Variants in KRABD1 observed in about 807,000 individuals in gnomAD.
KRABD1 encodes the protein KRAB domain containing 1.
At chr3:42,942,063 G>T in the KRABD1 span, 1 of 1,534,846 alleles carries the variant, frequency 6.5e-7, no homozygotes, top group East Asian at 2.4e-5. Flanking sequence ...TGGAGAGCAG[G>T]CTGGATAGGT....
At chr3:42,937,668 C>T in the KRABD1 span, 2 of 152,310 alleles carry the variant, frequency 1.3e-5, no homozygotes, top group Admixed American at 6.5e-5. Context: ...TAAAGTACTT[C>T]TCTTTACACT....
At chr3:42,939,859 A>G in the KRABD1 span, among the ~76,000 whole-genome samples, 1 of 152,054 alleles carries the variant, frequency 6.6e-6, no homozygotes, top group South Asian at 2.1e-4. Context: ...CGTATTTTTT[A>G]TTACACTGTA....
At chr3:42,941,169 A>C in the KRABD1 span, 25 of 1,511,010 alleles carry the variant, frequency 1.7e-5, no homozygotes, top group Non-Finnish European at 2.0e-5. Context: ...TCTCATTGGC[A>C]GATTTGACCA....
the KRABD1 span, chr3:42,941,960 C>T: frequency 3.3e-6 from 5 of 1,530,102 alleles, no homozygotes; most frequent in African/African-American, 6.9e-5. Flanking sequence ...TCGAGCAGTG[C>T]CACCCACTTC....
the KRABD1 span, among the ~76,000 whole-genome samples, chr3:42,941,793 T>G: frequency 2.0e-5 from 3 of 152,118 alleles, no homozygotes; most frequent in Non-Finnish European, 4.4e-5. Flanking sequence ...CCATCCTGAC[T>G]CTTCTTCCCA....
the KRABD1 span, chr3:42,941,295 G>A: frequency 1.3e-6 from 2 of 1,598,620 alleles, no homozygotes; most frequent in Middle Eastern, 1.7e-4. Flanking sequence ...GGTGCCTGCC[G>A]AGAGGGCCTT....
chr3:42,938,027 A>C, the KRABD1 span: 1 of 152,224 alleles, frequency 6.6e-6, no homozygotes, highest in Non-Finnish European at 1.5e-5. Flanking sequence ...TGTTGTCTTT[A>C]ATGCATAAAT....
chr3:42,941,122 C>T, the KRABD1 span: 1 of 1,129,594 alleles, frequency 8.9e-7, no homozygotes, highest in South Asian at 1.8e-5. Context: ...GGACCCAATA[C>T]TGAATACGTA....
chr3:42,939,166 A>G, the KRABD1 span, among the ~76,000 whole-genome samples: 1 of 152,198 alleles, frequency 6.6e-6, no homozygotes, highest in Non-Finnish European at 1.5e-5. Context: ...CCTCACTCAT[A>G]GAAACACATA....
At chr3:42,938,858 A>G in the KRABD1 span, 1 of 1,490,664 alleles carries the variant, frequency 6.7e-7, no homozygotes, top group Non-Finnish European at 9.0e-7. Context: ...AGCACCTGAG[A>G]CTTTTACCTT....
At chr3:42,942,622 G>T in the KRABD1 span, 1 of 1,413,954 alleles carries the variant, frequency 7.1e-7, no homozygotes, top group Non-Finnish European at 9.4e-7. Flanking sequence ...AATCGTCAAT[G>T]CTGGGAAGAC....
chr3:42,939,849 C>T, the KRABD1 span, among the ~76,000 whole-genome samples: 2 of 152,056 alleles, frequency 1.3e-5, no homozygotes, highest in African/African-American at 2.4e-5. Context: ...GATATTTTTT[C>T]GTATTTTTTA....
At chr3:42,940,636 G>A in the KRABD1 span, among the ~76,000 whole-genome samples, 115 of 152,210 alleles carry the variant, frequency 7.6e-4, 1 homozygote, top group African/African-American at 2.7e-3. Flanking sequence ...CTAGACCCTA[G>A]CCTTTCTCAA....
chr3:42,941,888 A>T, the KRABD1 span: 1 of 932,932 alleles, frequency 1.1e-6, no homozygotes, highest in Non-Finnish European at 1.7e-6. Flanking sequence ...TTGTTCTTGT[A>T]GCCACAGGCT....
At chr3:42,942,744 T>A in the KRABD1 span, 1 of 421,968 alleles carries the variant, frequency 2.4e-6, no homozygotes, top group African/African-American at 2.0e-5. Context: ...TGTAGACTGG[T>A]AGATTTAATG....
At chr3:42,938,894 A>G in the KRABD1 span, 18 of 1,532,052 alleles carry the variant, frequency 1.2e-5, no homozygotes, top group Non-Finnish European at 1.5e-5. Flanking sequence ...AAAAGAGGTC[A>G]GATGATGACA....
the KRABD1 span, chr3:42,937,129 T>A: frequency 6.6e-6 from 1 of 152,218 alleles, no homozygotes; most frequent in Non-Finnish European, 1.5e-5. Flanking sequence ...TTTCTTGACC[T>A]CTTAACATTG....
chr3:42,941,890 C>G, the KRABD1 span: 1 of 956,994 alleles, frequency 1.0e-6, no homozygotes, highest in Non-Finnish European at 1.6e-6. Flanking sequence ...GTTCTTGTAG[C>G]CACAGGCTTA....
At chr3:42,938,575 T>C in the KRABD1 span, 1 of 255,314 alleles carries the variant, frequency 3.9e-6, no homozygotes, top group Non-Finnish European at 7.8e-6. Flanking sequence ...CTACCTTAGT[T>C]TCCTTTTCTG....
Sources: gnomAD v4.1 joint callset for allele counts (sites outside exome capture counted in the v4.1 genomes callset) on GRCh38, gnomAD v4.1.1 for gene constraint, MANE v1.5 for transcripts, NCBI Gene and HGNC (gene_info 2026-07-23, HGNC 2026-07-21) for gene names.